Variants in TCF12 observed in about 807,000 individuals in gnomAD.
The protein encoded by TCF12 is DNA-binding protein HTF4.
In TCF12, 45 loss-of-function variants were observed where a neutral mutation model predicts 86.0. The observed-to-expected ratio is 0.52, with a 90% CI of 0.41 to 0.67. The LOEUF is 0.67. TCF12 is among the 30% of genes least tolerant of loss of function. The pLI is 0.00. For synonymous variants in TCF12, 330 were observed against 299.6 expected, an observed-to-expected ratio of 1.10 and a Z score of -1.05; for missense variants, 881 against 859.9, an observed-to-expected ratio of 1.02 and a Z score of -0.31.
At position 57,244,686 on chromosome 15, in the gene TCF12, C is replaced by A. The variant is rs182185326; in HGVS notation, c.1114+1136C>A. Reference sequence around the variant, plus strand: ...ATGTTGGCCAGGCATGTCTTGAACTCGTGACTTCAAGTGATCCACCTGCTT... The same window carrying A: ...ATGTTGGCCAGGCATGTCTTGAACTAGTGACTTCAAGTGATCCACCTGCTT... On this transcript the variant is annotated intron_variant, in intron 13 of 20. Transcript: ENST00000333725. Among the ~76,000 whole-genome samples the A allele has an allele frequency of 2.6e-4, 40 of 152,114 alleles. 2 individuals are homozygous for A. The highest frequency in any genetic ancestry group is 2.2e-3 in the Admixed American group (34 of 15,272).
intron 5 of TCF12, among the ~76,000 whole-genome samples, chr15:57,142,513 G>C (rs142626327): frequency 8.7e-5 from 6 of 69,216 alleles, no homozygotes; most frequent in African/African-American, 2.2e-4. Flanking sequence ...TGTACATTTT[G>C]AACAACAAAA....
intron 3 of TCF12, among the ~76,000 whole-genome samples, chr15:56,974,902 G>A (rs1394364925): frequency 6.6e-6 from 1 of 152,002 alleles, no homozygotes; most frequent in Non-Finnish European, 1.5e-5. Context: ...AATTCATTTA[G>A]AAGCTATCTT....
intron 3 of TCF12, among the ~76,000 whole-genome samples, chr15:57,015,158 C>G (rs1402952237): frequency 6.6e-6 from 1 of 152,010 alleles, no homozygotes; most frequent in Non-Finnish European, 1.5e-5. Flanking sequence ...TATGGTGGTA[C>G]ATACTTGTAA....
intron 3 of TCF12, among the ~76,000 whole-genome samples, chr15:57,004,999 A>G (rs16977191): frequency 0.017 from 2,638 of 152,264 alleles, 84 homozygotes; most frequent in African/African-American, 0.056. Context: ...AAAGCATTTT[A>G]TGTTCAAAAC....
intron 5 of TCF12, among the ~76,000 whole-genome samples, chr15:57,129,122 G>T (rs1020594457): frequency 6.6e-6 from 1 of 152,184 alleles, no homozygotes; most frequent in Non-Finnish European, 1.5e-5. Flanking sequence ...TCCCAAAGTG[G>T]CTCTGCACCA....
At chr15:57,202,587 C>T (rs2057601146) in intron 8 of TCF12, among the ~76,000 whole-genome samples, 3 of 152,002 alleles carry the variant, frequency 2.0e-5, no homozygotes, top group Admixed American at 2.0e-4. Flanking sequence ...AGGTGCCCAC[C>T]ACCACACCCG....
chr15:57,012,252 T>C (rs992144398), intron 3 of TCF12, among the ~76,000 whole-genome samples: 1 of 152,190 alleles, frequency 6.6e-6, no homozygotes, highest in Non-Finnish European at 1.5e-5. Context: ...ATTACTGTTA[T>C]TAGAAAGAAA....
At position 57,004,290 on chromosome 15, in the gene TCF12, A is replaced by G. The variant is rs565434852; in HGVS notation, c.149-59460A>G. 4.0e-5 allele frequency among the ~76,000 whole-genome samples: 6 copies of G among 151,204 alleles called. No individual in the cohort carries two copies. In the South Asian group the frequency reaches 6.3e-4, roughly 16 times the overall value. ...CTCTTGTAGCCCAGGCTGGAGTTCAATGGCACCATCTTGGCTCACTGCAAC... is the reference window on the plus strand; with the variant it reads ...CTCTTGTAGCCCAGGCTGGAGTTCAGTGGCACCATCTTGGCTCACTGCAAC... On this transcript the variant is annotated intron_variant, in intron 3 of 20. Transcript: ENST00000333725.
At chr15:57,275,639 A>T (rs1482525029) in intron 19 of TCF12, among the ~76,000 whole-genome samples, 6 of 152,026 alleles carry the variant, frequency 3.9e-5, no homozygotes, top group African/African-American at 1.4e-4. Context: ...GAGCCTCTTC[A>T]TCCTGTACAG....
chr15:57,207,302 C>G (rs1050664704), intron 8 of TCF12, among the ~76,000 whole-genome samples: 4 of 151,938 alleles, frequency 2.6e-5, no homozygotes, highest in African/African-American at 9.7e-5. Context: ...AATGTTAATC[C>G]CTATGAATCT....
intron 3 of TCF12, among the ~76,000 whole-genome samples, chr15:56,997,271 C>T (rs9806712): frequency 0.2 from 30,337 of 152,118 alleles, 3,281 homozygotes; most frequent in Non-Finnish European, 0.24. Context: ...GGTACACATA[C>T]GCAATGGAAT....
intron 3 of TCF12, among the ~76,000 whole-genome samples, chr15:57,036,111 A>G (rs1324615282): frequency 1.4e-5 from 2 of 146,608 alleles, no homozygotes; most frequent in East Asian, 4.1e-4. Context: ...GACACATTGA[A>G]TAGTTTTGGG....
chr15:57,195,593 C>T (rs2057219287), intron 7 of TCF12, among the ~76,000 whole-genome samples: 1 of 152,218 alleles, frequency 6.6e-6, no homozygotes, highest in Admixed American at 6.5e-5. Flanking sequence ...GAAATGAATA[C>T]TTCCCCCCTT....
chr15:57,195,217 A>T (rs1459492975), intron 7 of TCF12, among the ~76,000 whole-genome samples: 1 of 152,114 alleles, frequency 6.6e-6, no homozygotes, highest in African/African-American at 2.4e-5. Flanking sequence ...CTTAGCTATT[A>T]TATTTTGCAA....
intron 8 of TCF12, among the ~76,000 whole-genome samples, chr15:57,199,576 A>C (rs1305577922): frequency 6.6e-6 from 1 of 152,204 alleles, no homozygotes; most frequent in African/African-American, 2.4e-5. Context: ...GTCTGGAAGG[A>C]GAGTAGACAC....
chr15:57,168,504 T>G (rs1253366821), intron 6 of TCF12, among the ~76,000 whole-genome samples: 1 of 152,256 alleles, frequency 6.6e-6, no homozygotes, highest in Non-Finnish European at 1.5e-5. Context: ...TCTTTTTTGG[T>G]CCATATCAAA....
chr15:57,250,249 TAGTA>T (rs1190641747), intron 13 of TCF12, among the ~76,000 whole-genome samples: 4 of 152,222 alleles, frequency 2.6e-5, no homozygotes, highest in African/African-American at 7.2e-5. Flanking sequence ...TATTACCCCT[TAGTA>T]AGGCAATTTG....
At chr15:57,093,128 A>G (rs1231315685) in intron 5 of TCF12, among the ~76,000 whole-genome samples, 1 of 152,230 alleles carries the variant, frequency 6.6e-6, no homozygotes, top group Non-Finnish European at 1.5e-5. Context: ...TTTCAGCGTA[A>G]ATAAATGCAC....
chr15:57,154,386 T>C lies in TCF12; in HGVS notation c.326-12016T>C, dbSNP rs1596875117. Among the ~76,000 whole-genome samples the C allele has an allele frequency of 2.0e-5, 3 of 152,318 alleles. No homozygotes were observed. In the South Asian group the frequency reaches 6.2e-4, roughly 32 times the overall value. ...AAGCTATCTTGGTTGTTACTAAAGT[T>C]ACTAAACTTGGGACCATCAGACCCA... is the stretch of plus-strand genomic sequence containing the variant. On this transcript the variant is annotated intron_variant, in intron 5 of 20. Coordinates refer to ENST00000333725, the MANE Select transcript of TCF12 (RefSeq NM_207037.2).
Sources: gnomAD v4.1 joint callset for allele counts (sites outside exome capture counted in the v4.1 genomes callset) on GRCh38, gnomAD v4.1.1 for gene constraint, MANE v1.5 for transcripts, NCBI Gene and HGNC (gene_info 2026-07-23, HGNC 2026-07-21) for gene names.